Variants in GLRA1 observed in about 807,000 individuals in gnomAD.
GLRA1 encodes glycine receptor alpha 1, also known as glycine receptor subunit alpha-1.
In GLRA1, 37 loss-of-function variants were observed where a neutral mutation model predicts 48.3. The ratio of observed to expected loss-of-function variants is 0.77; its 90% CI spans 0.59 to 1.01. The LOEUF (loss-of-function observed/expected upper bound fraction) is 1.01. GLRA1 is among the 50% of genes least tolerant of loss of function. The pLI is 0.00. For synonymous variants in GLRA1, 196 were observed against 210.7 expected (o/e 0.93, Z 0.60); for missense variants, 427 against 571.0 (o/e 0.75, Z 2.57).
intron 1 of GLRA1, among the ~76,000 whole-genome samples, chr5:151,923,026 T>C (rs572284974): frequency 6.6e-6 from 1 of 152,368 alleles, no homozygotes; most frequent in South Asian, 2.1e-4. Context: ...CTTTCCCCCA[T>C]AAAGTAGCCA....
chr5:151,831,806 G>A (rs942535829), intron 7 of GLRA1, among the ~76,000 whole-genome samples: 1 of 152,218 alleles, frequency 6.6e-6, no homozygotes, highest in Non-Finnish European at 1.5e-5. Flanking sequence ...TCTGCTAAGG[G>A]ACAGACTGCC....
intron 8 of GLRA1, among the ~76,000 whole-genome samples, chr5:151,828,147 C>T (rs745455672): frequency 3.3e-5 from 5 of 152,062 alleles, no homozygotes; most frequent in East Asian, 1.9e-4. Context: ...TCAAGTAGAA[C>T]GTGGCATTTG....
intron 7 of GLRA1, among the ~76,000 whole-genome samples, chr5:151,830,099 TC>T (rs1442340987): frequency 6.6e-6 from 1 of 152,238 alleles, no homozygotes; most frequent in African/African-American, 2.4e-5. Context: ...TTTGCCCTAT[TC>T]CTGTCATAAT....
intron 7 of GLRA1, among the ~76,000 whole-genome samples, chr5:151,836,752 A>G (rs1763586969): frequency 6.6e-6 from 1 of 152,228 alleles, no homozygotes; most frequent in South Asian, 2.1e-4. Flanking sequence ...TTAAGCAGAA[A>G]ACTGAAACTG....
At chr5:151,885,913 T>C (rs767826416) in intron 3 of GLRA1, among the ~76,000 whole-genome samples, 6 of 152,156 alleles carry the variant, frequency 3.9e-5, no homozygotes, top group Admixed American at 6.5e-5. Context: ...TTTGCAGTCA[T>C]GTAAGCCAGC....
intron 7 of GLRA1, among the ~76,000 whole-genome samples, chr5:151,846,208 T>G (rs1389858142): frequency 1.3e-5 from 2 of 152,192 alleles, no homozygotes; most frequent in African/African-American, 4.8e-5. Context: ...AATCTAATGC[T>G]TAAAAAGGCA....
chr5:151,829,567 A>T lies in GLRA1; in HGVS notation c.913-500T>A, dbSNP rs79759224. ...ATTCAAGAAAATCAGCTGAATCTTAATAAGAACAGCAAGCTTTGTGGCAGT... is the reference window on the plus strand; with the variant it reads ...ATTCAAGAAAATCAGCTGAATCTTATTAAGAACAGCAAGCTTTGTGGCAGT... On this transcript the variant is annotated intron_variant, in intron 7 of 8. Transcript: ENST00000274576. 5.3e-3 allele frequency among the ~76,000 whole-genome samples: 801 copies of T among 152,384 alleles called. 9 individuals carry two copies. Among genetic ancestry groups the T allele is most frequent in the African/African-American group, 0.018 (754 of 41,590 alleles).
intron 3 of GLRA1, among the ~76,000 whole-genome samples, chr5:151,884,779 G>A (rs1452296003): frequency 6.6e-6 from 1 of 152,184 alleles, no homozygotes; most frequent in Non-Finnish European, 1.5e-5. Context: ...CCCTGACTTG[G>A]CTTGATAACC....
At chr5:151,919,948 GCAGGACGCGCGAA>G (rs1754833039) in intron 1 of GLRA1, among the ~76,000 whole-genome samples, 1 of 152,364 alleles carries the variant, frequency 6.6e-6, no homozygotes, top group South Asian at 2.1e-4. Flanking sequence ...TGATGCTGTC[GCAGGACGCGCGAA>G]CAGGCTGCCT....
intron 5 of GLRA1, 34 bp downstream of exon 5, chr5:151,856,267 G>T (rs1475317022): frequency 6.9e-6 from 10 of 1,439,552 alleles, no homozygotes; most frequent in East Asian, 2.3e-5. Flanking sequence ...AAAGGAGCCT[G>T]GTTCTTTCTA....
chr5:151,881,098 C>T (rs1753748981), intron 3 of GLRA1, among the ~76,000 whole-genome samples: 3 of 152,162 alleles, frequency 2.0e-5, no homozygotes, highest in Admixed American at 6.5e-5. Flanking sequence ...TATACACATG[C>T]CTATGTATGC....
intron 3 of GLRA1, among the ~76,000 whole-genome samples, chr5:151,872,592 A>T (rs1016680620): frequency 2.0e-5 from 3 of 149,880 alleles, no homozygotes; most frequent in Admixed American, 2.0e-4. Flanking sequence ...AAGAATGCTC[A>T]TTGTAGCCTT....
chr5:151,860,155 G>T, intron 3 of GLRA1, 147 bp from the exon 4 acceptor site: 2 of 697,774 alleles, frequency 2.9e-6, no homozygotes, highest in Non-Finnish European at 5.2e-6. Flanking sequence ...AGACATAAAA[G>T]GTGTGTATCA....
chr5:151,856,240 G>T, intron 5 of GLRA1, 61 bp downstream of exon 5: 2 of 1,125,402 alleles, frequency 1.8e-6, no homozygotes, highest in South Asian at 1.2e-5. Flanking sequence ...GGGAATTTCT[G>T]CCTATCCCAT....
chr5:151,888,122 G>T (rs537966711), intron 2 of GLRA1, among the ~76,000 whole-genome samples: 23 of 152,356 alleles, frequency 1.5e-4, no homozygotes, highest in African/African-American at 5.5e-4. Flanking sequence ...CTAACAAGTG[G>T]TAGAACCAGG....
intron 3 of GLRA1, among the ~76,000 whole-genome samples, chr5:151,866,644 C>T (rs1753344448): frequency 6.6e-6 from 1 of 152,146 alleles, no homozygotes; most frequent in Non-Finnish European, 1.5e-5. Context: ...CATCTCGAAA[C>T]TCAATCCAAC....
chr5:151,918,610 T>C (rs1174762805), intron 1 of GLRA1, among the ~76,000 whole-genome samples: 2 of 152,202 alleles, frequency 1.3e-5, no homozygotes, highest in Non-Finnish European at 2.9e-5. Flanking sequence ...CTTACAAAGA[T>C]TGGATAGCAA....
intron 7 of GLRA1, among the ~76,000 whole-genome samples, chr5:151,843,251 TCTAAA>T (rs1171525011): frequency 1.3e-5 from 2 of 148,944 alleles, no homozygotes; most frequent in African/African-American, 4.9e-5. Context: ...ACAAGCTGCT[TCTAAA>T]TTTTTTTTTT....
Position 151,856,334 on chromosome 5 carries a change from C to A in GLRA1, c.526G>T (p.Asp176Tyr). The A allele has an allele frequency of 6.2e-7, 1 of 1,612,372 alleles. No individual in the cohort carries two copies. The highest frequency in any genetic ancestry group is 8.5e-7 in the Non-Finnish European group (1 of 1,178,742). ...AGTTGCATGATACATGTCTGGACAT[C>A]CATGGGGAAATTCTTCAAGTCCATG... Reference protein sequence around the residue: ...CPMDLKNFPMDVQTCIMQLES... With the variant: ...CPMDLKNFPMYVQTCIMQLES... The change falls in exon 5 of 9, where the codon GAT (aspartate) becomes TAT (tyrosine). Residue 176 changes from aspartate to tyrosine, a missense_variant. By Grantham distance (160) the Asp-to-Tyr change is radical (BLOSUM62 -3). Around this residue, in one of 4 missense-constraint regions of GLRA1, gnomAD observed 271 missense variants for 434.9 expected, o/e 0.62. Transcript: ENST00000274576.
Sources: gnomAD v4.1 joint callset for allele counts (sites outside exome capture counted in the v4.1 genomes callset) on GRCh38, gnomAD v4.1.1 for gene constraint, gnomAD v4.1.1 regional missense constraint, MANE v1.5 for transcripts, NCBI Gene and HGNC (gene_info 2026-07-23, HGNC 2026-07-21) for gene names.